The following ATP6V1B2 variants were observed in gnomAD, a reference collection of about 807,000 sequenced individuals.
ATP6V1B2 encodes the protein V-type proton ATPase subunit B, brain isoform.
ATP6V1B2 carries 23 observed loss-of-function variants against 66.7 expected under a neutral mutation model. The ratio of observed to expected loss-of-function variants is 0.34; its 90% CI spans 0.25 to 0.49. ATP6V1B2 has a LOEUF of 0.49. Ranked by LOEUF, ATP6V1B2 falls within the 20% of genes least tolerant of loss-of-function variation. The pLI is 0.99. For missense variants in ATP6V1B2, 478 were observed against 650.8 expected, an observed-to-expected ratio of 0.73 and a Z score of 2.89; for synonymous variants, 278 against 236.7, an observed-to-expected ratio of 1.17 and a Z score of -1.60.
chr8:20,213,215 C>T (rs1451217943), intron 9 of ATP6V1B2: 1 of 304,016 alleles, frequency 3.3e-6, no homozygotes, highest in Non-Finnish European at 6.2e-6. Context: ...AGTTCTGTTT[C>T]TGTCCAGACT....
intron 1 of ATP6V1B2, among the ~76,000 whole-genome samples, chr8:20,203,532 G>A (rs1445008503): frequency 6.6e-6 from 1 of 152,116 alleles, no homozygotes; most frequent in Non-Finnish European, 1.5e-5. Flanking sequence ...AAAATTCCCA[G>A]TTGCTAGACA....
intron 2 of ATP6V1B2, among the ~76,000 whole-genome samples, chr8:20,205,802 A>G (rs537693180): frequency 6.6e-6 from 1 of 152,356 alleles, no homozygotes; most frequent in East Asian, 1.9e-4. Context: ...ATAGTATTAG[A>G]AAAGAAAAAT....
chr8:20,200,613 G>A (rs1025379774), intron 1 of ATP6V1B2, among the ~76,000 whole-genome samples: 1 of 152,140 alleles, frequency 6.6e-6, no homozygotes, highest in Non-Finnish European at 1.5e-5. Flanking sequence ...AAGTCACAAG[G>A]AATGAAAACT....
At chr8:20,218,077 A>T in intron 12 of ATP6V1B2, 76 bp from the exon 13 acceptor site, 2 of 1,543,858 alleles carry the variant, frequency 1.3e-6, no homozygotes, top group Non-Finnish European at 1.7e-6. Context: ...GAACTAGAGC[A>T]GTACATTCCT....
chr8:20,198,790 G>A (rs2072654496), intron 1 of ATP6V1B2, among the ~76,000 whole-genome samples: 1 of 152,180 alleles, frequency 6.6e-6, no homozygotes, highest in African/African-American at 2.4e-5. Context: ...CATTTGATTC[G>A]GTGGATTGCT....
At chr8:20,219,978 C>G (rs931078514) in intron 13 of ATP6V1B2, among the ~76,000 whole-genome samples, 2 of 152,154 alleles carry the variant, frequency 1.3e-5, no homozygotes, top group Non-Finnish European at 2.9e-5. Flanking sequence ...TTCCATTGCT[C>G]AAGTATCCTA....
At chr8:20,203,696 A>G (rs2072709163) in intron 1 of ATP6V1B2, among the ~76,000 whole-genome samples, 2 of 152,162 alleles carry the variant, frequency 1.3e-5, no homozygotes, top group East Asian at 1.9e-4. Flanking sequence ...CCTGATCCCC[A>G]TTTCACTTGC....
chr8:20,211,774 AGTATGATAT>A (rs1204063651), intron 7 of ATP6V1B2, 21 bp downstream of exon 7: 1 of 1,564,604 alleles, frequency 6.4e-7, no homozygotes, highest in Non-Finnish European at 8.7e-7. Flanking sequence ...TTTTTGTTTT[AGTATGATAT>A]GTAAAATTTT....
chr8:20,217,128 T>C, intron 11 of ATP6V1B2, 92 bp from the exon 12 acceptor site: 1 of 1,049,108 alleles, frequency 9.5e-7, no homozygotes, highest in African/African-American at 1.6e-5. Context: ...TGATTTAAGT[T>C]GTAATAATGA....
At position 20,211,233 on chromosome 8, in the gene ATP6V1B2, A is replaced by T; in HGVS notation, c.520A>T (p.Ile174Phe). 6.2e-7 allele frequency: 1 copy of T among 1,613,404 alleles called. No individual in the cohort carries two copies. The highest frequency in any genetic ancestry group is 1.3e-5 in the African/African-American group (1 of 75,002). ...CCCAGAGGAAATGATTCAGACTGGC[A>T]TTTCGGCCATCGATGGGATGAACAG... is the stretch of plus-strand genomic sequence containing the variant. The part of the protein sequence containing the change: ...IYPEEMIQTG[I>F]SAIDGMNSIA... Residue 174 changes from isoleucine to phenylalanine, a missense_variant, in exon 6 of 14, where the codon ATT (isoleucine) becomes TTT (phenylalanine). By Grantham distance (21) the Ile-to-Phe change is conservative. Transcript: ENST00000276390.
rs1389439248 is a variant in ATP6V1B2 at position 20,199,367 on chromosome 8, G to A, written c.136+1825G>A. 2.0e-5 allele frequency among the ~76,000 whole-genome samples: 3 copies of A among 151,566 alleles called. No homozygotes were observed. The East Asian group carries it at 5.8e-4, about 29-fold the overall frequency. Reference sequence around the variant, plus strand: ...TAACTTGCATTTAAACTCCTTGCTCGAATAATTCAGTGGATAGATTGTGAA... The same window carrying A: ...TAACTTGCATTTAAACTCCTTGCTCAAATAATTCAGTGGATAGATTGTGAA... On this transcript the variant is annotated intron_variant, in intron 1 of 13. Coordinates refer to ENST00000276390, the MANE Select transcript of ATP6V1B2 (RefSeq NM_001693.4).
At position 20,197,480 on chromosome 8, in the gene ATP6V1B2, C is replaced by T. The variant is rs2072639862; in HGVS notation, c.74C>T (p.Ala25Val). 6.6e-7 allele frequency: 1 copy of T among 1,516,498 alleles called. No homozygotes were observed. Among genetic ancestry groups the T allele is most frequent in the South Asian group, 1.2e-5 (1 of 80,662 alleles). 93.9% of individuals were successfully genotyped at this position (1,516,498 alleles called of 1,614,324 possible). ...CTACCCGTGCCCACCGGTGGGCCGG[C>T]GGTGGGAGCTCGGGAGCAGGCGCTG... is the stretch of plus-strand genomic sequence containing the variant. The part of the protein sequence containing the change: ...PELPVPTGGP[A>V]VGAREQALAV... Residue 25 changes from alanine (A) to valine (V), a missense_variant, in exon 1 of 14, where the codon GCG becomes GTG. This residue lies in a region of ATP6V1B2 where 152 missense variants were observed against 105.2 expected (regional missense o/e 1.44). Coordinates refer to ENST00000276390, the MANE Select transcript of ATP6V1B2 (RefSeq NM_001693.4).
At chr8:20,203,277 G>C (rs754843841) in intron 1 of ATP6V1B2, among the ~76,000 whole-genome samples, 1 of 152,194 alleles carries the variant, frequency 6.6e-6, no homozygotes, top group Non-Finnish European at 1.5e-5. Context: ...GTGATGTCTG[G>C]ATTTAAACGT....
intron 13 of ATP6V1B2, among the ~76,000 whole-genome samples, chr8:20,219,630 A>T (rs897896016): frequency 7.2e-5 from 11 of 152,294 alleles, no homozygotes; most frequent in Admixed American, 6.5e-4. Flanking sequence ...GATTATTGGA[A>T]TTTTTTTAAT....
chr8:20,220,257 T>G lies in ATP6V1B2; in HGVS notation c.1397-6T>G. ...GCATTTATTAATTCAATCTCAATTT[T>G]TTAAGGTCCTTACGAAAATCGCACT... is the stretch of plus-strand genomic sequence containing the variant. On this transcript the variant is annotated splice_polypyrimidine_tract_variant and splice_region_variant and intron_variant, in intron 13 of 13. Coordinates refer to ENST00000276390, the MANE Select transcript of ATP6V1B2 (RefSeq NM_001693.4). 6.2e-7 allele frequency: 1 copy of G among 1,602,904 alleles called. No homozygotes were observed. Among genetic ancestry groups the G allele is most frequent in the Non-Finnish European group, 8.5e-7 (1 of 1,176,710 alleles).
At chr8:20,206,243 C>G (rs2072737562) in intron 2 of ATP6V1B2, among the ~76,000 whole-genome samples, 1 of 152,174 alleles carries the variant, frequency 6.6e-6, no homozygotes. Flanking sequence ...CAATTCAGTT[C>G]TTTGGGGAAC....
chr8:20,197,648 C>G, intron 1 of ATP6V1B2, 106 bp downstream of exon 1: 3 of 1,247,604 alleles, frequency 2.4e-6, no homozygotes, highest in Non-Finnish European at 2.0e-6. Context: ...TTGTTTTTCC[C>G]TCCCGCGTCT....
intron 9 of ATP6V1B2, chr8:20,213,801 A>G (rs1373533660): frequency 2.6e-5 from 4 of 152,168 alleles, no homozygotes; most frequent in Admixed American, 2.6e-4. Flanking sequence ...TGCCCTCACC[A>G]TATCTTACTC....
chr8:20,203,814 C>T (rs1036094021), intron 1 of ATP6V1B2: 4 of 359,172 alleles, frequency 1.1e-5, no homozygotes, highest in Non-Finnish European at 2.2e-5. Context: ...TCTAACCTGG[C>T]AGTAACGTTT....
Sources: gnomAD v4.1 joint callset for allele counts (sites outside exome capture counted in the v4.1 genomes callset) on GRCh38, gnomAD v4.1.1 for gene constraint, gnomAD v4.1.1 regional missense constraint, MANE v1.5 for transcripts, NCBI Gene and HGNC (gene_info 2026-07-23, HGNC 2026-07-21) for gene names.